Variants in GNAO1 observed in about 807,000 individuals in gnomAD.
GNAO1 encodes guanine nucleotide-binding protein G(o) subunit alpha.
For missense variants in GNAO1, 166 were observed against 478.7 expected (o/e 0.35, Z 6.10); for synonymous variants, 164 against 180.7 (o/e 0.91, Z 0.74).
intron 6 of GNAO1, 39 bp downstream of exon 6, chr16:56,336,899 A>AG: frequency 6.3e-7 from 1 of 1,581,910 alleles, no homozygotes; most frequent in Non-Finnish European, 8.6e-7. Flanking sequence ...GGCAGCGCTG[A>AG]GGAGACGGCC....
At chr16:56,217,321 T>C (rs1288907266) in intron 2 of GNAO1, among the ~76,000 whole-genome samples, 3 of 152,248 alleles carry the variant, frequency 2.0e-5, no homozygotes, top group Non-Finnish European at 2.9e-5. Context: ...AGGTGATTGC[T>C]GCATAGTCAT....
intron 2 of GNAO1, among the ~76,000 whole-genome samples, chr16:56,216,570 C>T (rs956887381): frequency 3.3e-5 from 5 of 152,234 alleles, no homozygotes; most frequent in Non-Finnish European, 7.3e-5. Flanking sequence ...GTGTTCAAGT[C>T]TTGTCTCTGC....
chr16:56,259,861 T>G (rs1211128027), intron 2 of GNAO1, among the ~76,000 whole-genome samples: 3 of 152,246 alleles, frequency 2.0e-5, no homozygotes, highest in Non-Finnish European at 4.4e-5. Flanking sequence ...TTTTTCACAG[T>G]TGGTCAGAAG....
chr16:56,256,417 A>C (rs2036846922), intron 2 of GNAO1, among the ~76,000 whole-genome samples: 1 of 151,056 alleles, frequency 6.6e-6, no homozygotes, highest in African/African-American at 2.5e-5. Context: ...TCCTTGGCCA[A>C]GTTCTTTCCG....
At chr16:56,253,457 T>G (rs906063624) in intron 2 of GNAO1, among the ~76,000 whole-genome samples, 1 of 152,156 alleles carries the variant, frequency 6.6e-6, no homozygotes, top group Non-Finnish European at 1.5e-5. Flanking sequence ...ATTGGGCAAG[T>G]GTGATTAATT....
chr16:56,222,046 CA>C (rs1205875253), intron 2 of GNAO1, among the ~76,000 whole-genome samples: 8 of 152,232 alleles, frequency 5.3e-5, no homozygotes, highest in East Asian at 1.9e-4. Flanking sequence ...AGAAGTTTTG[CA>C]ATGGAGTTTA....
At chr16:56,321,049 C>G (rs930109627) in intron 3 of GNAO1, among the ~76,000 whole-genome samples, 45 of 152,208 alleles carry the variant, frequency 3.0e-4, no homozygotes, top group African/African-American at 1.1e-3. Context: ...CATGTGGGCA[C>G]TGTGCACGGG....
At chr16:56,327,816 A>G (rs954596120) in intron 3 of GNAO1, among the ~76,000 whole-genome samples, 1 of 152,240 alleles carries the variant, frequency 6.6e-6, no homozygotes, top group Non-Finnish European at 1.5e-5. Flanking sequence ...GGGAGGAGGC[A>G]GAGGAGGAGA....
chr16:56,336,541 G>A (rs2037741880), intron 5 of GNAO1, 190 bp from the exon 6 acceptor site: 2 of 564,922 alleles, frequency 3.5e-6, no homozygotes, highest in East Asian at 3.0e-5. Flanking sequence ...TCCAGGGGTA[G>A]TGCCTGGGGA....
At chr16:56,192,788 G>C (rs1189193486) in intron 2 of GNAO1, 172 bp downstream of exon 2, 2 of 603,930 alleles carry the variant, frequency 3.3e-6, no homozygotes, top group African/African-American at 1.9e-5. Context: ...TCCCTACGTT[G>C]GTTCTGGGTC....
At chr16:56,221,946 C>T (rs1293486975) in intron 2 of GNAO1, among the ~76,000 whole-genome samples, 24 of 152,128 alleles carry the variant, frequency 1.6e-4, no homozygotes, top group Non-Finnish European at 1.5e-5. Flanking sequence ...TGTAGCCATC[C>T]AACCCCAGTG....
chr16:56,211,051 C>T (rs1314908110), intron 2 of GNAO1, among the ~76,000 whole-genome samples: 3 of 152,166 alleles, frequency 2.0e-5, no homozygotes, highest in African/African-American at 7.2e-5. Context: ...GACTAGGTTC[C>T]TATGGCTAGC....
At chr16:56,325,939 A>C (rs1455965792) in intron 3 of GNAO1, among the ~76,000 whole-genome samples, 1 of 152,104 alleles carries the variant, frequency 6.6e-6, no homozygotes, top group Non-Finnish European at 1.5e-5. Context: ...TAAGCTTCCC[A>C]CTTTGAAAAA....
intron 2 of GNAO1, among the ~76,000 whole-genome samples, chr16:56,228,612 G>A (rs543139368): frequency 2.6e-5 from 4 of 152,276 alleles, no homozygotes; most frequent in South Asian, 2.1e-4. Flanking sequence ...GCCCTGAGCC[G>A]GGACCAGGAG....
intron 2 of GNAO1, among the ~76,000 whole-genome samples, chr16:56,242,692 CA>C (rs2036705696): frequency 6.6e-6 from 1 of 152,096 alleles, no homozygotes; most frequent in Non-Finnish European, 1.5e-5. Flanking sequence ...AAGACTTAAA[CA>C]AAAGAACAAA....
chr16:56,328,809 C>T lies in GNAO1; in HGVS notation c.464+18C>T, dbSNP rs568682649. 9.9e-6 allele frequency: 16 copies of T among 1,612,432 alleles called. No homozygotes were observed. Among genetic ancestry groups the T allele is most frequent in the South Asian group, 3.3e-5 (3 of 91,012 alleles). Reference sequence around the variant, plus strand: ...GCCAAATAGTGAGTGTCCCAGCGGGCGCATGGCCTGGAGCCGGGCAGTGAT... The same window carrying T: ...GCCAAATAGTGAGTGTCCCAGCGGGTGCATGGCCTGGAGCCGGGCAGTGAT... On this transcript the variant is annotated intron_variant, in intron 4 of 8. Coordinates refer to ENST00000262493, the MANE Select transcript of GNAO1 (RefSeq NM_020988.3).
Position 56,191,975 on chromosome 16 carries a change from G to A in GNAO1, c.-261G>A. 1 of 523,896 alleles carries A rather than the reference G, an allele frequency of 1.9e-6. No individual in the cohort carries two copies. The allele number at this position is 523,896 out of a possible 1,614,324, so 32.5% of individuals were successfully genotyped here. A position where few individuals can be genotyped will look rare whatever the true frequency, so the allele number is the denominator to read the frequency against. On this transcript the variant is annotated 5_prime_UTR_variant, in exon 1 of 9. Transcript: ENST00000262493. This position sits in a 1 kb window ranked among gnomAD's most constrained non-coding sequence, Gnocchi z 4.7. ...GCGGGCGCCTCCTCCCTTGGCTCCG[G>A]AGCCCCAGACCCCGGCCACCCTCGA...
rs200201305 is a variant in GNAO1 at position 56,275,955 on chromosome 16, C to T, written c.186C>T (p.Ser62=). The change falls in exon 3 of 9, where the codon TCC becomes TCT. Residue 62 remains serine (S), a synonymous_variant. Transcript: ENST00000262493. ...QMKIIHEDGF[S]GEDVKQYKPV... ...GGATCATCCATGAAGATGGCTTCTC[C>T]GGAGAAGACGTGAAACAGTACAAGC... 8.4e-5 allele frequency: 135 copies of T among 1,613,532 alleles called. No individual in the cohort carries two copies. Among genetic ancestry groups the T allele is most frequent in the Admixed American group, 1.2e-4 (7 of 59,920 alleles).
chr16:56,331,187 G>A (rs1217964397), intron 4 of GNAO1, among the ~76,000 whole-genome samples: 1 of 152,202 alleles, frequency 6.6e-6, no homozygotes, highest in African/African-American at 2.4e-5. Flanking sequence ...GCCCTTTACA[G>A]GGGAGGGACC....
Sources: allele counts gnomAD v4.1 joint callset (sites outside exome capture counted in the v4.1 genomes callset), GRCh38; gene constraint gnomAD v4.1.1; non-coding constraint Gnocchi (gnomAD v3.1); transcripts MANE v1.5; gene names NCBI Gene and HGNC (gene_info 2026-07-23, HGNC 2026-07-21).